The following SLC18A2 variants were observed in gnomAD, a reference collection of about 807,000 sequenced individuals.
SLC18A2 encodes synaptic vesicular amine transporter.
In SLC18A2, 33 loss-of-function variants were observed where a neutral mutation model predicts 59.2. That is an observed-to-expected ratio of 0.56 (90% CI 0.42 to 0.75). SLC18A2 has a LOEUF of 0.75. SLC18A2 is among the 30% of genes least tolerant of loss of function. The pLI is 0.00. For synonymous variants in SLC18A2, 228 were observed against 253.5 expected, an observed-to-expected ratio of 0.90 and a Z score of 0.95; for missense variants, 569 against 668.6, an observed-to-expected ratio of 0.85 and a Z score of 1.64.
rs57101171 is a variant in SLC18A2 at position 117,252,134 on chromosome 10, A to ATTTTTTTTT, written c.465-1244_465-1236dup. Among the ~76,000 whole-genome samples, 33 of 44,342 alleles carry ATTTTTTTTT rather than the reference A, an allele frequency of 7.4e-4. 4 individuals carry two copies. The highest frequency in any genetic ancestry group is 4.0e-3 in the East Asian group (5 of 1,246). 29.1% of individuals were successfully genotyped at this position (44,342 alleles called of 152,430 possible). A position where few individuals can be genotyped will look rare whatever the true frequency, so the allele number is the denominator to read the frequency against. The stretch of plus-strand genomic sequence containing the variant: ...CTACTATGCCTGACTCATTTTTTGT[A>ATTTTTTTTT]TTTTTTTTTTTTTTTTTTTTTTTTT... On this transcript the variant is annotated intron_variant, in intron 3 of 15. Transcript: ENST00000644641.
Position 117,244,230 on chromosome 10 carries a change from A to G in SLC18A2, c.381A>G (p.Glu127=), listed in dbSNP as rs1844086161. ...GTGAAGACAAAGACCTCCTGAATGA[A>G]AACGTGCAAGTTGGTCTGTTGTTTG... is the stretch of plus-strand genomic sequence containing the variant. ...CPSEDKDLLN[E]NVQVGLLFAS... Residue 127 remains glutamate, a synonymous_variant, in exon 3 of 16, where the codon GAA becomes GAG. Transcript: ENST00000644641. The G allele has an allele frequency of 6.2e-7, 1 of 1,614,218 alleles. No individual in the cohort carries two copies. The highest frequency in any genetic ancestry group is 1.7e-5 in the Admixed American group (1 of 60,030).
At chr10:117,257,916 T>G (rs1411244577) in intron 10 of SLC18A2, 24 bp downstream of exon 10, 1 of 1,527,442 alleles carries the variant, frequency 6.5e-7, no homozygotes, top group Non-Finnish European at 9.0e-7. Context: ...TGGGCTCTTC[T>G]GATTCAAGAG....
intron 10 of SLC18A2, among the ~76,000 whole-genome samples, chr10:117,260,176 G>A (rs1301413091): frequency 6.6e-6 from 1 of 152,152 alleles, no homozygotes; most frequent in East Asian, 1.9e-4. Context: ...CTCTTGTGTT[G>A]CCCCGGTTGC....
chr10:117,272,644 GC>G (rs1159439322), intron 15 of SLC18A2, among the ~76,000 whole-genome samples: 1 of 152,222 alleles, frequency 6.6e-6, no homozygotes, highest in Non-Finnish European at 1.5e-5. Flanking sequence ...TTTCCAGGAA[GC>G]CACTTTCACT....
chr10:117,254,650 A>C (rs1170849208), intron 6 of SLC18A2, among the ~76,000 whole-genome samples, 153 bp downstream of exon 6: 1 of 152,184 alleles, frequency 6.6e-6, no homozygotes, highest in Non-Finnish European at 1.5e-5. Flanking sequence ...GAGACTTTGA[A>C]AAATGGTAGG....
intron 2 of SLC18A2, among the ~76,000 whole-genome samples, chr10:117,243,122 G>A (rs1458835323): frequency 6.6e-6 from 1 of 152,234 alleles, no homozygotes. Flanking sequence ...ACTCATAATA[G>A]AAGGATGAAG....
chr10:117,265,693 G>A (rs1192254451), intron 10 of SLC18A2, among the ~76,000 whole-genome samples: 3 of 152,020 alleles, frequency 2.0e-5, no homozygotes, highest in Non-Finnish European at 4.4e-5. Flanking sequence ...TGTTCAATGC[G>A]GAGGACAGGT....
chr10:117,261,270 C>T (rs922819742), intron 10 of SLC18A2, among the ~76,000 whole-genome samples: 5 of 152,046 alleles, frequency 3.3e-5, no homozygotes, highest in African/African-American at 1.2e-4. Context: ...TAGTAGCGCA[C>T]ACCTGAAGTC....
Position 117,254,339 on chromosome 10 carries a change from G to A in SLC18A2, c.608-66G>A, listed in dbSNP as rs1280416350. 1.4e-5 allele frequency: 19 copies of A among 1,378,512 alleles called. No individual in the cohort carries two copies. The East Asian group carries it at 3.2e-4, about 23-fold the overall frequency. 85.4% of individuals were successfully genotyped at this position (1,378,512 alleles called of 1,614,324 possible). On this transcript the variant is annotated intron_variant, in intron 5 of 15. Transcript: ENST00000644641. Reference sequence around the variant, plus strand: ...ACAAGGCTGGCTGGAGAGGGAAGGCGAGTCACGCATTATTCTTTTGCTGTT... The same window carrying A: ...ACAAGGCTGGCTGGAGAGGGAAGGCAAGTCACGCATTATTCTTTTGCTGTT...
intron 1 of SLC18A2, 118 bp from the exon 2 acceptor site, chr10:117,241,561 G>A: frequency 8.7e-7 from 1 of 1,149,680 alleles, no homozygotes; most frequent in South Asian, 1.8e-5. Flanking sequence ...GGGGCGCCCG[G>A]GGGTGTCCCC....
At position 117,263,430 on chromosome 10, in the gene SLC18A2, AG is replaced by A. The variant is rs1844316072; in HGVS notation, c.992-3300del. On this transcript the variant is annotated intron_variant, in intron 10 of 15. Transcript: ENST00000644641. ...GAGAAAGACTATGATATTTGAAGTC[AG>A]GGCAAACAATCTTATTAGCTGCATG... 2.0e-5 allele frequency among the ~76,000 whole-genome samples: 3 copies of A among 152,208 alleles called. No individual in the cohort carries two copies. The South Asian group carries it at 6.2e-4, about 32-fold the overall frequency.
Position 117,270,426 on chromosome 10 carries a change from T to G in SLC18A2, c.1403T>G (p.Phe468Cys). 6.2e-7 allele frequency: 1 copy of G among 1,614,098 alleles called. No homozygotes were observed. The highest frequency in any genetic ancestry group is 8.5e-7 in the Non-Finnish European group (1 of 1,180,020). The change falls in exon 15 of 16, where the codon TTT (phenylalanine) becomes TGT (cysteine). Residue 468 changes from phenylalanine (F) to cysteine (C), a missense_variant. By Grantham distance (205) the Phe-to-Cys change is radical. This residue lies in a region of SLC18A2 where 192 missense variants were observed against 278.8 expected (regional missense o/e 0.69). Transcript: ENST00000644641. ...IIDILFAPLC[F>C]FLRSPPAKEE... The stretch of plus-strand genomic sequence containing the variant: ...GATATTCTTTTTGCCCCTCTCTGCT[T>G]TTTTCTTCGAAGTCCACCTGCCAAA...
chr10:117,244,774 A>G (rs1844094436), intron 3 of SLC18A2, among the ~76,000 whole-genome samples: 1 of 152,174 alleles, frequency 6.6e-6, no homozygotes, highest in Non-Finnish European at 1.5e-5. Flanking sequence ...AAAGCCTCTC[A>G]CAGATACCAG....
chr10:117,253,806 A>G lies in SLC18A2; in HGVS notation c.524-242A>G, dbSNP rs1047463450. Among the ~76,000 whole-genome samples the G allele has an allele frequency of 4.6e-5, 7 of 152,200 alleles. No individual in the cohort carries two copies. In the South Asian group the frequency reaches 1.4e-3, roughly 31 times the overall value. On this transcript the variant is annotated intron_variant, in intron 4 of 15. Transcript: ENST00000644641. ...GGTTGCAGTAAGCCGAGATTGCACCACTGCACTGCAGCCTGGGCGACAGAG... is the reference window on the plus strand; with the variant it reads ...GGTTGCAGTAAGCCGAGATTGCACCGCTGCACTGCAGCCTGGGCGACAGAG...
intron 3 of SLC18A2, among the ~76,000 whole-genome samples, chr10:117,251,204 C>T (rs1169795809): frequency 6.6e-6 from 1 of 152,124 alleles, no homozygotes; most frequent in Non-Finnish European, 1.5e-5. Context: ...AGGGAGAAGC[C>T]TGTGTTTATT....
In SLC18A2 at chr10:117,241,804, C is replaced by CA; in HGVS notation, c.112dup (p.Thr38AsnfsTer15). 6.2e-7 allele frequency: 1 copy of CA among 1,607,174 alleles called. No homozygotes were observed. The highest frequency in any genetic ancestry group is 1.1e-5 in the South Asian group (1 of 90,668). ...CGCTGCTGCTGGACAACATGCTGCT[C>CA]ACTGTCGTGGGTACGTGCGGACAGG... On this transcript the variant is annotated frameshift_variant, in exon 2 of 16. Coordinates refer to ENST00000644641, the MANE Select transcript of SLC18A2 (RefSeq NM_003054.6). LOFTEE classifies it high-confidence loss of function.
At chr10:117,246,469 G>A (rs899641416) in intron 3 of SLC18A2, among the ~76,000 whole-genome samples, 3 of 152,116 alleles carry the variant, frequency 2.0e-5, no homozygotes, top group African/African-American at 7.2e-5. Context: ...GCTCATGTTT[G>A]GGACTTCAAA....
Position 117,270,440 on chromosome 10 carries a change from C to G in SLC18A2, c.1417C>G (p.Pro473Ala). 6.2e-7 allele frequency: 1 copy of G among 1,613,870 alleles called. No individual in the cohort carries two copies. Among genetic ancestry groups the G allele is most frequent in the Non-Finnish European group, 8.5e-7 (1 of 1,179,960 alleles). Residue 473 changes from proline (P) to alanine (A), a missense_variant, in exon 15 of 16, where the codon CCA becomes GCA. By Grantham distance (27) the Pro-to-Ala change is conservative. Around this residue, in one of 2 missense-constraint regions of SLC18A2, gnomAD observed 192 missense variants for 278.8 expected, o/e 0.69. Transcript: ENST00000644641. The stretch of plus-strand genomic sequence containing the variant: ...CCCTCTCTGCTTTTTTCTTCGAAGT[C>G]CACCTGCCAAAGAAGAAAAAATGGT... ...FAPLCFFLRS[P>A]PAKEEKMAIL...
intron 10 of SLC18A2, 41 bp downstream of exon 10, chr10:117,257,933 T>A: frequency 7.0e-7 from 1 of 1,429,576 alleles, no homozygotes; most frequent in Non-Finnish European, 9.7e-7. Flanking sequence ...AGAGCATTTG[T>A]CCCCAGGGCA....
Sources: gnomAD v4.1 joint callset for allele counts (sites outside exome capture counted in the v4.1 genomes callset) on GRCh38, gnomAD v4.1.1 for gene constraint, gnomAD v4.1.1 regional missense constraint, MANE v1.5 for transcripts, NCBI Gene and HGNC (gene_info 2026-07-23, HGNC 2026-07-21) for gene names.